The following LUC7L2 variants were observed in gnomAD, a reference collection of about 807,000 sequenced individuals.
The protein encoded by LUC7L2 is LUC7 like 2, pre-mRNA splicing factor.
A neutral mutation model predicts 52.8 loss-of-function variants in LUC7L2; 25 were observed. The ratio of observed to expected loss-of-function variants is 0.47; its 90% CI spans 0.34 to 0.66. The LOEUF (loss-of-function observed/expected upper bound fraction) is 0.66, where lower values mean the gene tolerates loss of function less well. Ranked by LOEUF, LUC7L2 falls within the 30% of genes least tolerant of loss-of-function variation. The pLI is 0.01. For missense variants in LUC7L2, 328 were observed against 497.8 expected (o/e 0.66, Z 3.25); for synonymous variants, 144 against 160.9 (o/e 0.89, Z 0.80).
At chr7:139,344,597 T>C (rs987765959) in intron 1 of LUC7L2, among the ~76,000 whole-genome samples, 2 of 152,026 alleles carry the variant, frequency 1.3e-5, no homozygotes, top group Non-Finnish European at 2.9e-5. Flanking sequence ...TAATAAGTAA[T>C]ATGAACATAA....
At chr7:139,345,514 A>G in intron 1 of LUC7L2, 1 of 1,614,162 alleles carries the variant, frequency 6.2e-7, no homozygotes, top group South Asian at 1.1e-5. Context: ...ACCAGTGAAA[A>G]GTTGTGCAGA....
At chr7:139,378,795 T>C (rs540476091) in intron 2 of LUC7L2, among the ~76,000 whole-genome samples, 1 of 152,306 alleles carries the variant, frequency 6.6e-6, no homozygotes, top group South Asian at 2.1e-4. Flanking sequence ...TTCAGGTCCT[T>C]AAGGACACCA....
At chr7:139,389,344 A>G (rs894018541) in intron 2 of LUC7L2, among the ~76,000 whole-genome samples, 2 of 152,106 alleles carry the variant, frequency 1.3e-5, no homozygotes, top group African/African-American at 4.8e-5. Flanking sequence ...GAGGCTGTAA[A>G]CTAGTGGCCT....
At chr7:139,407,059 G>C in intron 5 of LUC7L2, 115 bp from the exon 6 acceptor site, 1 of 818,418 alleles carries the variant, frequency 1.2e-6, no homozygotes. Flanking sequence ...ACCGTGCCCA[G>C]CCACTTTTGT....
chr7:139,407,298 G>T lies in LUC7L2; in HGVS notation c.635G>T (p.Gly212Val). The stretch of plus-strand genomic sequence containing the variant: ...AGACGACTGGCTGATCATTTTGGGG[G>T]TAAACTGCACCTGGGATTTATTGAA... ...NDRRLADHFGGKLHLGFIEIR... is the reference protein window; with the variant it reads ...NDRRLADHFGVKLHLGFIEIR... Residue 212 changes from glycine to valine, a missense_variant, in exon 6 of 10, where the codon GGT (glycine) becomes GTT (valine). This residue lies in a region of LUC7L2 where 133 missense variants were observed against 274.4 expected (regional missense o/e 0.48). Coordinates refer to ENST00000354926, the MANE Select transcript of LUC7L2 (RefSeq NM_016019.5). 6.2e-7 allele frequency: 1 copy of T among 1,608,414 alleles called. No individual in the cohort carries two copies.
intron 1 of LUC7L2, among the ~76,000 whole-genome samples, chr7:139,363,976 C>CT (rs1169793101): frequency 0.017 from 1,620 of 96,092 alleles, 163 homozygotes; most frequent in South Asian, 0.028. Flanking sequence ...AGATTACATC[C>CT]TTTTTTTTTT....
rs759970113 is a variant in LUC7L2 at position 139,349,861 on chromosome 7, AG to A, written c.-26+9346del. Among the ~76,000 whole-genome samples the A allele has an allele frequency of 2.3e-4, 35 of 152,354 alleles. 1 individual carries two copies. In the South Asian group the frequency reaches 6.0e-3, roughly 26 times the overall value. On this transcript the variant is annotated intron_variant, in intron 1 of 10. Coordinates refer to the LUC7L2 transcript ENST00000541170. ...ATAAATATACTCATTTTAGGTGTACAGGTCAATGAATTTTGACAAATGAATA... is the reference window on the plus strand; with the variant it reads ...ATAAATATACTCATTTTAGGTGTACAGTCAATGAATTTTGACAAATGAATA...
intron 2 of LUC7L2, among the ~76,000 whole-genome samples, chr7:139,381,159 A>T (rs1467948804): frequency 2.0e-5 from 3 of 152,132 alleles, no homozygotes; most frequent in Non-Finnish European, 4.4e-5. Context: ...TCAATAAAAA[A>T]AAACCACAGT....
At chr7:139,399,433 T>C (rs894607311) in intron 3 of LUC7L2, among the ~76,000 whole-genome samples, 1 of 147,920 alleles carries the variant, frequency 6.8e-6, no homozygotes, top group African/African-American at 2.5e-5. Flanking sequence ...GGGACATGCA[T>C]ATGGGTGTTT....
intron 5 of LUC7L2, among the ~76,000 whole-genome samples, chr7:139,406,711 ATCTC>A (rs956395208): frequency 2.8e-4 from 42 of 152,018 alleles, no homozygotes; most frequent in Admixed American, 1.3e-3. Flanking sequence ...CTTTCAGAAA[ATCTC>A]TCTAAGTTGT....
At chr7:139,365,069 G>A (rs554894914) in intron 1 of LUC7L2, among the ~76,000 whole-genome samples, 1 of 152,238 alleles carries the variant, frequency 6.6e-6, no homozygotes, top group South Asian at 2.1e-4. Flanking sequence ...GTTTCTCTGC[G>A]TTTCAGTTAA....
intron 1 of LUC7L2, among the ~76,000 whole-genome samples, chr7:139,368,359 AAAAT>A (rs1295422769): frequency 6.6e-6 from 1 of 152,262 alleles, no homozygotes; most frequent in African/African-American, 2.4e-5. Flanking sequence ...TGCATTTAAA[AAAAT>A]GTTTTAAAAA....
intron 9 of LUC7L2, among the ~76,000 whole-genome samples, chr7:139,419,133 A>AC (rs1554398605): frequency 0.015 from 1,961 of 132,436 alleles, 46 homozygotes; most frequent in African/African-American, 0.063. Context: ...AAACAAACAA[A>AC]AAAAAAAACA....
chr7:139,371,442 C>T (rs1475623277), intron 1 of LUC7L2: 2 of 1,533,636 alleles, frequency 1.3e-6, no homozygotes, highest in African/African-American at 1.4e-5. Context: ...TAAAAAAATA[C>T]AGGGAGCATC....
Position 139,360,166 on chromosome 7 carries a change from G to T in LUC7L2, c.-96G>T. 2.1e-6 allele frequency: 2 copies of T among 938,478 alleles called. No homozygotes were observed. Among genetic ancestry groups the T allele is most frequent in the Non-Finnish European group, 1.6e-6 (1 of 630,082 alleles). The allele number at this position is 938,478 out of a possible 1,614,324, so 58.1% of individuals were successfully genotyped here. A position where few individuals can be genotyped will look rare whatever the true frequency, so the allele number is the denominator to read the frequency against. On this transcript the variant is annotated 5_prime_UTR_variant, in exon 1 of 10. Coordinates refer to ENST00000354926, the MANE Select transcript of LUC7L2 (RefSeq NM_016019.5). ...CGAGGCGGCGGCGGCCACCGAGACA[G>T]CAGCGCACCTTCCCCCATCCCTTCC...
At chr7:139,407,061 C>T in intron 5 of LUC7L2, 113 bp from the exon 6 acceptor site, 1 of 1,124,294 alleles carries the variant, frequency 8.9e-7, no homozygotes. Flanking sequence ...CGTGCCCAGC[C>T]ACTTTTGTGT....
intron 2 of LUC7L2, among the ~76,000 whole-genome samples, chr7:139,395,023 C>T (rs566420350): frequency 6.6e-6 from 1 of 152,168 alleles, no homozygotes; most frequent in African/African-American, 2.4e-5. Flanking sequence ...GTAAAAGTTC[C>T]CCAGGTCTAA....
intron 8 of LUC7L2, among the ~76,000 whole-genome samples, chr7:139,414,460 T>C (rs1488331593): frequency 6.6e-6 from 1 of 152,262 alleles, no homozygotes; most frequent in African/African-American, 2.4e-5. Flanking sequence ...AGCATGCGGC[T>C]TGGAGGCCGC....
At chr7:139,362,790 C>G (rs1322787912) in intron 1 of LUC7L2, among the ~76,000 whole-genome samples, 1 of 151,874 alleles carries the variant, frequency 6.6e-6, no homozygotes, top group African/African-American at 2.4e-5. Flanking sequence ...CTCCTCACCC[C>G]CTCAAGGTTT....
Sources: gnomAD v4.1 joint callset for allele counts (sites outside exome capture counted in the v4.1 genomes callset) on GRCh38, gnomAD v4.1.1 for gene constraint, gnomAD v4.1.1 regional missense constraint, MANE v1.5 for transcripts, NCBI Gene and HGNC (gene_info 2026-07-23, HGNC 2026-07-21) for gene names.